NRG2: variants seen among roughly 807,000 people sequenced by gnomAD.
The protein encoded by NRG2 is neuregulin 2.
In NRG2, 27 loss-of-function variants were observed where a neutral mutation model predicts 73.9. The observed-to-expected ratio is 0.37, with a 90% confidence interval of 0.27 to 0.50. The LOEUF is 0.50. Ranked by LOEUF, NRG2 falls within the 20% of genes least tolerant of loss-of-function variation. The probability of loss-of-function intolerance (pLI) is 0.96; values close to 1 mark genes in which losing one functional copy is unlikely to be tolerated. For synonymous variants in NRG2, 532 were observed against 541.0 expected (o/e 0.98, Z 0.23); for missense variants, 1,126 against 1,210.1 (o/e 0.93, Z 1.03).
At chr5:140,033,308 C>A (rs771525384) in intron 1 of NRG2, among the ~76,000 whole-genome samples, 1 of 152,174 alleles carries the variant, frequency 6.6e-6, no homozygotes, top group Non-Finnish European at 1.5e-5. Context: ...CTTCTCCTGA[C>A]AACAGTAAAA....
In NRG2 at chr5:139,865,057, C is replaced by CCCCAGGGGTCT; in HGVS notation, c.1189+491_1189+492insAGACCCCTGGG. The CCCCAGGGGTCT allele has an allele frequency of 6.9e-7, 1 of 1,458,032 alleles. No homozygotes were observed. Among genetic ancestry groups the CCCCAGGGGTCT allele is most frequent in the Non-Finnish European group, 9.6e-7 (1 of 1,037,946 alleles). The allele number at this position is 1,458,032 out of a possible 1,614,324, so 90.3% of individuals were successfully genotyped here. A position where few individuals can be genotyped will look rare whatever the true frequency, so the allele number is the denominator to read the frequency against. On this transcript the variant is annotated intron_variant, in intron 5 of 9. Coordinates refer to ENST00000361474, the MANE Select transcript of NRG2 (RefSeq NM_004883.3). The surrounding 1 kb of genome is among the most constrained non-coding windows in gnomAD (Gnocchi z 5.2). ...TCTTGCTAAGCAAGGCCCCATCCCT[C>CCCCAGGGGTCT]CCCAGGGGGAGACTGTCAGTCACCA...
intron 1 of NRG2, among the ~76,000 whole-genome samples, chr5:139,933,951 C>T (rs1337761862): frequency 2.0e-5 from 3 of 152,230 alleles, no homozygotes; most frequent in African/African-American, 7.2e-5. Flanking sequence ...GTAATCCCAG[C>T]ACTTTGTGAG....
intron 3 of NRG2, among the ~76,000 whole-genome samples, chr5:139,877,909 G>C (rs1318345637): frequency 6.6e-6 from 1 of 152,236 alleles, no homozygotes; most frequent in African/African-American, 2.4e-5. Flanking sequence ...CGCTGCCCTG[G>C]AGGGTCAAGA....
At chr5:139,890,473 C>CTTTTTTTTT (rs11288649) in intron 1 of NRG2, among the ~76,000 whole-genome samples, 1 of 106,030 alleles carries the variant, frequency 9.4e-6, no homozygotes, top group African/African-American at 3.5e-5. Context: ...TTCTTTCTTT[C>CTTTTTTTTT]TTTTTTTTTT....
At chr5:139,907,838 G>T (rs1314554674) in intron 1 of NRG2, among the ~76,000 whole-genome samples, 2 of 152,186 alleles carry the variant, frequency 1.3e-5, no homozygotes, top group Admixed American at 6.5e-5. Flanking sequence ...CTGGGCACCT[G>T]CCCAGGAGAC....
chr5:140,041,300 C>T (rs1301586802), intron 1 of NRG2, among the ~76,000 whole-genome samples: 2 of 152,138 alleles, frequency 1.3e-5, no homozygotes, highest in African/African-American at 2.4e-5. Flanking sequence ...AAAACGAAAC[C>T]TCAATTTGAA....
chr5:139,893,554 C>T (rs1466065810), intron 1 of NRG2, among the ~76,000 whole-genome samples: 2 of 152,180 alleles, frequency 1.3e-5, no homozygotes, highest in Non-Finnish European at 2.9e-5. Flanking sequence ...TCCCCAGAGA[C>T]GAAAGGGGCA....
chr5:139,912,291 C>A (rs370180319), intron 1 of NRG2, among the ~76,000 whole-genome samples: 1 of 135,582 alleles, frequency 7.4e-6, no homozygotes, highest in Non-Finnish European at 1.6e-5. Flanking sequence ...CCCAATATAG[C>A]ATTTATGAGC....
rs2127001443 is a variant in NRG2 at position 139,852,203 on chromosome 5, G to A, written c.1544+229C>T. ...GTGAGGGCCCTGACTATTTCCTGGTGCTCCCGAGGGAAGAAGGGAGCCAGC... is the reference window on the plus strand; with the variant it reads ...GTGAGGGCCCTGACTATTTCCTGGTACTCCCGAGGGAAGAAGGGAGCCAGC... On this transcript the variant is annotated intron_variant, in intron 8 of 9. Coordinates refer to ENST00000361474, the MANE Select transcript of NRG2 (RefSeq NM_004883.3). This position sits in a 1 kb window ranked among gnomAD's most constrained non-coding sequence, Gnocchi z 4.4. Among the ~76,000 whole-genome samples, 2 of 152,310 alleles carry A rather than the reference G, an allele frequency of 1.3e-5. No homozygotes were observed. The highest frequency in any genetic ancestry group is 4.1e-4 in the South Asian group (2 of 4,832).
In NRG2 at chr5:139,848,157, G is replaced by A. The variant is rs949710044; in HGVS notation, c.2313C>T (p.Gly771=). 8 of 1,435,134 alleles carry A rather than the reference G, an allele frequency of 5.6e-6. No homozygotes were observed. In the African/African-American group the frequency reaches 1.0e-4, roughly 19 times the overall value. 88.9% of individuals were successfully genotyped at this position (1,435,134 alleles called of 1,614,324 possible). ...CGTCGTCCGACGCCGAGGCTGAGCC[G>A]CCGCCCGAGCCGCTGCTCAGCGACA... ...DSLSLSSGSG[G]GSASASDDDA... Residue 771 remains glycine, a synonymous_variant, in exon 10 of 10, where the codon GGC becomes GGT. Coordinates refer to ENST00000361474, the MANE Select transcript of NRG2 (RefSeq NM_004883.3).
intron 1 of NRG2, among the ~76,000 whole-genome samples, chr5:139,900,583 GT>G (rs200829392): frequency 6.6e-6 from 1 of 152,190 alleles, no homozygotes; most frequent in Admixed American, 6.5e-5. Context: ...TTGCCAGAGG[GT>G]TTTTTTGTTT....
chr5:140,039,410 A>C (rs1761746417), intron 1 of NRG2, among the ~76,000 whole-genome samples: 1 of 152,202 alleles, frequency 6.6e-6, no homozygotes, highest in African/African-American at 2.4e-5. Flanking sequence ...GCAATCTTCT[A>C]AGAAATGCAA....
At chr5:140,022,858 C>A (rs1483627260) in intron 1 of NRG2, among the ~76,000 whole-genome samples, 1 of 152,174 alleles carries the variant, frequency 6.6e-6, no homozygotes, top group Non-Finnish European at 1.5e-5. Flanking sequence ...TGCTTTTCCT[C>A]ATAATTTCTC....
intron 1 of NRG2, among the ~76,000 whole-genome samples, chr5:139,995,958 A>T (rs1341188412): frequency 6.6e-6 from 1 of 152,206 alleles, no homozygotes; most frequent in Non-Finnish European, 1.5e-5. Flanking sequence ...TGAGGCTACC[A>T]TGAGCTATGA....
intron 1 of NRG2, among the ~76,000 whole-genome samples, chr5:139,941,965 T>A (rs1472909276): frequency 6.6e-6 from 1 of 152,220 alleles, no homozygotes; most frequent in Non-Finnish European, 1.5e-5. Context: ...AAGCATTGTT[T>A]TACCTTGTAA....
chr5:139,871,891 G>A (rs375660530), intron 3 of NRG2, 50 bp from the exon 4 acceptor site: 1 of 1,590,788 alleles, frequency 6.3e-7, no homozygotes, highest in South Asian at 1.1e-5. Context: ...CTATCCCTAG[G>A]CCCCAGGAAT....
intron 9 of NRG2, 57 bp from the exon 10 acceptor site, chr5:139,848,754 GGGGGTTGGGGGTGGGGTAGGGTGGGA>G: frequency 1.2e-6 from 1 of 817,106 alleles, no homozygotes. Flanking sequence ...GCGGGGGAGG[GGGGGTTGGGGGTGGGGTAGGGTGGGA>G]GGGGCGGACC....
intron 1 of NRG2, among the ~76,000 whole-genome samples, chr5:139,960,910 C>T (rs1327966903): frequency 6.6e-6 from 1 of 152,200 alleles, no homozygotes; most frequent in African/African-American, 2.4e-5. Flanking sequence ...GACCTGGAGA[C>T]CTGCCCATTC....
In NRG2 at chr5:139,954,173, A is replaced by T. The variant is rs1013711521; in HGVS notation, c.701-66662T>A. On this transcript the variant is annotated intron_variant, in intron 1 of 9. Transcript: ENST00000361474. This position sits in a 1 kb window ranked among gnomAD's most constrained non-coding sequence, Gnocchi z 5.0. ...GCCTCCTGCACGATCGTGGCAAGAC[A>T]ACTGCTTCTCATTAGCAAAAGTGAC... 2.6e-5 allele frequency among the ~76,000 whole-genome samples: 4 copies of T among 152,170 alleles called. No individual in the cohort carries two copies. Among genetic ancestry groups the T allele is most frequent in the Non-Finnish European group, 5.9e-5 (4 of 68,022 alleles).
Sources: allele counts gnomAD v4.1 joint callset (sites outside exome capture counted in the v4.1 genomes callset), GRCh38; gene constraint gnomAD v4.1.1; non-coding constraint Gnocchi (gnomAD v3.1); transcripts MANE v1.5; gene names NCBI Gene and HGNC (gene_info 2026-07-23, HGNC 2026-07-21).